The following PIK3CB variants were observed in gnomAD, a reference collection of about 807,000 sequenced individuals.
The protein encoded by PIK3CB is phosphatidylinositol-4,5-bisphosphate 3-kinase catalytic subunit beta.
In PIK3CB, 39 loss-of-function variants were observed where a neutral mutation model predicts 136.8. That is an observed-to-expected ratio of 0.29 (90% confidence interval 0.22 to 0.37). PIK3CB has a LOEUF of 0.37. PIK3CB is among the 10% of genes least tolerant of loss of function. The pLI, the probability that PIK3CB is intolerant of heterozygous loss-of-function variation, is 1.00. For synonymous variants in PIK3CB, 428 were observed against 436.6 expected (o/e 0.98, Z 0.25); for missense variants, 868 against 1,275.4 (o/e 0.68, Z 4.87).
intron 5 of PIK3CB, among the ~76,000 whole-genome samples, chr3:138,741,970 T>A (rs932513199): frequency 6.6e-6 from 1 of 152,238 alleles, no homozygotes; most frequent in African/African-American, 2.4e-5. Context: ...ATGGGCTGTA[T>A]ATCAACTCTA....
intron 22 of PIK3CB, among the ~76,000 whole-genome samples, chr3:138,656,831 C>T (rs552037690): frequency 3.9e-5 from 6 of 152,084 alleles, no homozygotes; most frequent in East Asian, 3.9e-4. Flanking sequence ...AGTGCAGTGG[C>T]GTGATCTTGG....
chr3:138,689,266 G>C (rs1577075254), intron 15 of PIK3CB, among the ~76,000 whole-genome samples: 1 of 152,182 alleles, frequency 6.6e-6, no homozygotes, highest in South Asian at 2.1e-4. Flanking sequence ...CTAGCCAACA[G>C]GATGCAAGAT....
At chr3:138,759,970 G>T (rs2045639506) in intron 2 of PIK3CB, among the ~76,000 whole-genome samples, 1 of 151,352 alleles carries the variant, frequency 6.6e-6, no homozygotes, top group African/African-American at 2.4e-5. Flanking sequence ...TGCCTAGGCT[G>T]GAATGCAGTA....
Position 138,742,718 on chromosome 3 carries a change from T to G in PIK3CB, c.461A>C (p.Lys154Thr), listed in dbSNP as rs930943712. Reference protein sequence around the residue: ...EVNEFRRKMRKFSEEKILSLV... With the variant: ...EVNEFRRKMRTFSEEKILSLV... ...TGACAGGATTTTTTCCTCGCTGAATTTGCGCATTTTTCTTCGAAATTCATT... is the reference window on the plus strand; with the variant it reads ...TGACAGGATTTTTTCCTCGCTGAATGTGCGCATTTTTCTTCGAAATTCATT... The change falls in exon 5 of 24, where the codon AAA becomes ACA. Residue 154 changes from lysine (K) to threonine (T), a missense_variant. Coordinates refer to ENST00000674063, the MANE Select transcript of PIK3CB (RefSeq NM_006219.3). 6.2e-7 allele frequency: 1 copy of G among 1,613,602 alleles called. No homozygotes were observed.
At chr3:138,784,510 G>C (rs967484025) in intron 2 of PIK3CB, among the ~76,000 whole-genome samples, 1 of 151,738 alleles carries the variant, frequency 6.6e-6, no homozygotes, top group African/African-American at 2.4e-5. Context: ...CCACCATCTC[G>C]GCTCACTGCA....
At chr3:138,697,863 G>T (rs1411891002) in intron 13 of PIK3CB, among the ~76,000 whole-genome samples, 1 of 152,054 alleles carries the variant, frequency 6.6e-6, no homozygotes, top group African/African-American at 2.4e-5. Flanking sequence ...CACTCAAGTA[G>T]CTAGGACTAC....
Position 138,834,847 on chromosome 3 carries a change from C to A in PIK3CB, c.-274G>T. The A allele has an allele frequency of 6.6e-6, 1 of 152,074 alleles. No individual in the cohort carries two copies. The highest frequency in any genetic ancestry group is 2.0e-4 in the South Asian group (1 of 4,884). The allele number at this position is 152,074 out of a possible 1,614,324, so 9.4% of individuals were successfully genotyped here. A position where few individuals can be genotyped will look rare whatever the true frequency, so the allele number is the denominator to read the frequency against. On this transcript the variant is annotated 5_prime_UTR_variant, in exon 1 of 24. Coordinates refer to ENST00000674063, the MANE Select transcript of PIK3CB (RefSeq NM_006219.3). ...CGCAGCACTACACTCGCCCCCTCCCCACTGCCATGGCCCGCTCCGCCGCAG... is the reference window on the plus strand; with the variant it reads ...CGCAGCACTACACTCGCCCCCTCCCAACTGCCATGGCCCGCTCCGCCGCAG...
intron 1 of PIK3CB, among the ~76,000 whole-genome samples, chr3:138,831,155 C>T (rs1335281541): frequency 2.0e-5 from 3 of 148,920 alleles, no homozygotes; most frequent in Non-Finnish European, 3.0e-5. Flanking sequence ...GGCGTGGTGG[C>T]GGGCACCTAT....
chr3:138,701,380 T>C (rs1390961902), intron 12 of PIK3CB, among the ~76,000 whole-genome samples: 1 of 152,176 alleles, frequency 6.6e-6, no homozygotes, highest in Non-Finnish European at 1.5e-5. Flanking sequence ...GAATAAAATC[T>C]GTAGATTATA....
chr3:138,716,609 A>G (rs1382086310), intron 8 of PIK3CB, among the ~76,000 whole-genome samples: 1 of 152,124 alleles, frequency 6.6e-6, no homozygotes, highest in African/African-American at 2.4e-5. Context: ...TATTATCAAA[A>G]GCACAGCCAG....
intron 7 of PIK3CB, 42 bp from the exon 8 acceptor site, chr3:138,733,480 A>G: frequency 1.0e-6 from 1 of 989,842 alleles, no homozygotes. Context: ...TTAATGAAAG[A>G]AATGAATATT....
intron 2 of PIK3CB, among the ~76,000 whole-genome samples, chr3:138,761,426 AC>A (rs1019949130): frequency 7.2e-5 from 11 of 152,246 alleles, no homozygotes; most frequent in African/African-American, 2.7e-4. Flanking sequence ...AATTTAAAAA[AC>A]ACTTAGGAGA....
intron 5 of PIK3CB, among the ~76,000 whole-genome samples, chr3:138,740,810 GC>G (rs1362466417): frequency 2.6e-5 from 4 of 151,956 alleles, no homozygotes; most frequent in African/African-American, 9.7e-5. Context: ...GCACCACCAT[GC>G]CCAGGTAATT....
chr3:138,736,502 A>C (rs1283920888), intron 6 of PIK3CB, among the ~76,000 whole-genome samples: 1 of 152,212 alleles, frequency 6.6e-6, no homozygotes, highest in Non-Finnish European at 1.5e-5. Context: ...CTAACCTCTA[A>C]CTGGGCACTT....
At chr3:138,712,976 G>A (rs1443915211) in intron 9 of PIK3CB, among the ~76,000 whole-genome samples, 2 of 152,044 alleles carry the variant, frequency 1.3e-5, no homozygotes, top group South Asian at 2.1e-4. Flanking sequence ...AATGTCTCTA[G>A]GCATATAAAT....
Position 138,654,432 on chromosome 3 carries a change from G to T in PIK3CB, c.*957C>A, listed in dbSNP as rs1434544376. 4.4e-6 allele frequency: 1 copy of T among 226,656 alleles called. No individual in the cohort carries two copies. The highest frequency in any genetic ancestry group is 6.4e-5 in the East Asian group (1 of 15,650). The allele number at this position is 226,656 out of a possible 1,614,324, so 14.0% of individuals were successfully genotyped here. ...TTAATAAATACAGTAAGAAGAGCTG[G>T]CATTTTTCTAAAATACTGAATTTCA... On this transcript the variant is annotated 3_prime_UTR_variant, in exon 24 of 24. Coordinates refer to ENST00000674063, the MANE Select transcript of PIK3CB (RefSeq NM_006219.3).
In PIK3CB at chr3:138,688,952, C is replaced by T. The variant is rs148873702; in HGVS notation, c.2059G>A (p.Val687Ile). Residue 687 changes from valine (V) to isoleucine (I), a missense_variant, in exon 16 of 24, where the codon GTC becomes ATC. Physicochemically the swap from Val to Ile is conservative, Grantham distance 29 (BLOSUM62 3). This residue lies in a region of PIK3CB where 165 missense variants were observed against 295.4 expected (regional missense o/e 0.56). Transcript: ENST00000674063. ...HLRSEVHIPAVSVQFGVILEA... is the reference protein window; with the variant it reads ...HLRSEVHIPAISVQFGVILEA... Reference sequence around the variant, plus strand: ...AGGATGACACCAAATTGTACTGAGACAGCAGGAATGTGCACTTCTGACCTG... The same window carrying T: ...AGGATGACACCAAATTGTACTGAGATAGCAGGAATGTGCACTTCTGACCTG... 1.9e-6 allele frequency: 3 copies of T among 1,613,426 alleles called. No individual in the cohort carries two copies. The Admixed American group carries it at 5.0e-5, about 27-fold the overall frequency.
chr3:138,833,982 A>G (rs899601541), intron 1 of PIK3CB, among the ~76,000 whole-genome samples: 8 of 152,210 alleles, frequency 5.3e-5, no homozygotes, highest in Non-Finnish European at 1.0e-4. Flanking sequence ...ACAGGCTCCA[A>G]TATTAAGCAA....
chr3:138,826,075 A>T (rs954108079), intron 1 of PIK3CB: 10 of 1,113,938 alleles, frequency 9.0e-6, no homozygotes, highest in Non-Finnish European at 1.3e-5. Flanking sequence ...TGAAGGAAAA[A>T]GATTGATCAC....
Sources: allele counts gnomAD v4.1 joint callset (sites outside exome capture counted in the v4.1 genomes callset), GRCh38; gene constraint gnomAD v4.1.1; regional missense constraint gnomAD v4.1.1; transcripts MANE v1.5; gene names NCBI Gene and HGNC (gene_info 2026-07-23, HGNC 2026-07-21).